Variants in SNRNP200 observed in about 807,000 individuals in gnomAD.
The protein encoded by SNRNP200 is small nuclear ribonucleoprotein U5 subunit 200, also known as U5 small nuclear ribonucleoprotein 200 kDa helicase.
A neutral mutation model predicts 255.2 loss-of-function variants in SNRNP200; 66 were observed. That is an observed-to-expected ratio of 0.26 (90% confidence interval 0.21 to 0.32). The LOEUF is 0.32. Ranked by LOEUF, SNRNP200 falls within the 10% of genes least tolerant of loss-of-function variation. The pLI, the probability that SNRNP200 is intolerant of heterozygous loss-of-function variation, is 1.00. For missense variants in SNRNP200, 1,585 were observed against 2,749.8 expected, an observed-to-expected ratio of 0.58 and a Z score of 9.47; for synonymous variants, 939 against 1,027.8, an observed-to-expected ratio of 0.91 and a Z score of 1.65.
chr2:96,288,982 T>C (rs992392736), intron 23 of SNRNP200, 55 bp downstream of exon 23: 1 of 1,492,020 alleles, frequency 6.7e-7, no homozygotes. Context: ...TTTTAGAAGA[T>C]TATGAAAACC....
Position 96,286,926 on chromosome 2 carries a change from G to C in SNRNP200, c.3640-49C>G. ...AGGAATGTGAGTCAACGTAGACTGAGTGCCTCCAATCCATCTCCTCGGCCC... is the reference window on the plus strand; with the variant it reads ...AGGAATGTGAGTCAACGTAGACTGACTGCCTCCAATCCATCTCCTCGGCCC... On this transcript the variant is annotated intron_variant, in intron 27 of 44. Transcript: ENST00000323853. The surrounding 1 kb of genome is among the most constrained non-coding windows in gnomAD (Gnocchi z 4.8). 12 of 1,613,852 alleles carry C rather than the reference G, an allele frequency of 7.4e-6. No homozygotes were observed. Among genetic ancestry groups the C allele is most frequent in the Non-Finnish European group, 1.0e-5 (12 of 1,179,746 alleles).
At chr2:96,304,563 T>C in intron 2 of SNRNP200, 142 bp downstream of exon 2, 1 of 1,149,816 alleles carries the variant, frequency 8.7e-7, no homozygotes, top group Non-Finnish European at 1.3e-6. Flanking sequence ...ATCTTTAAAC[T>C]CTCCTGGTCT....
chr2:96,288,429 C>T (rs763977521), intron 24 of SNRNP200, among the ~76,000 whole-genome samples: 3 of 152,168 alleles, frequency 2.0e-5, no homozygotes, highest in African/African-American at 7.2e-5. Context: ...TCTCTGAGGG[C>T]CCGTGGAGCC....
In SNRNP200 at chr2:96,305,461, A is replaced by G. The variant is rs1465840912; in HGVS notation, c.-24T>C. On this transcript the variant is annotated 5_prime_UTR_variant, in exon 1 of 45. Coordinates refer to ENST00000323853, the MANE Select transcript of SNRNP200 (RefSeq NM_014014.5). ...ATGGCCGCGGCTGCTCGGAGGCTTC[A>G]GACCACCACGCCTCCCTACCGCAAG... 6.2e-7 allele frequency: 1 copy of G among 1,613,818 alleles called. No individual in the cohort carries two copies. Among genetic ancestry groups the G allele is most frequent in the South Asian group, 1.1e-5 (1 of 91,082 alleles).
intron 21 of SNRNP200, 100 bp downstream of exon 21, chr2:96,289,699 A>C: frequency 9.7e-7 from 1 of 1,029,838 alleles, no homozygotes; most frequent in East Asian, 2.4e-5. Context: ...ACAGGTGATT[A>C]GATAGGCAGT....
intron 30 of SNRNP200, 179 bp from the exon 31 acceptor site, chr2:96,284,764 T>C (rs913521199): frequency 3.3e-6 from 2 of 609,554 alleles, no homozygotes; most frequent in Non-Finnish European, 5.8e-6. Flanking sequence ...TTTTTTTTCT[T>C]TTGAGATGAA....
chr2:96,292,733 T>G (rs2063891707), intron 16 of SNRNP200, among the ~76,000 whole-genome samples: 1 of 152,218 alleles, frequency 6.6e-6, no homozygotes, highest in South Asian at 2.1e-4. Context: ...TGGTAGTTGT[T>G]GGAGAACTGG....
chr2:96,284,016 GA>G lies in SNRNP200; in HGVS notation c.4393-13del. 2.0e-6 allele frequency: 3 copies of G among 1,519,928 alleles called. No individual in the cohort carries two copies. Among genetic ancestry groups the G allele is most frequent in the Non-Finnish European group, 2.7e-6 (3 of 1,113,878 alleles). 94.2% of individuals were successfully genotyped at this position (1,519,928 alleles called of 1,614,324 possible). A position where few individuals can be genotyped will look rare whatever the true frequency, so the allele number is the denominator to read the frequency against. ...ACTTCTAAGACAGGCTGGAAAGAGG[GA>G]GGGAGGGAGGGTCACTGCAGGCCAA... On this transcript the variant is annotated splice_polypyrimidine_tract_variant and intron_variant, in intron 31 of 44. Coordinates refer to ENST00000323853, the MANE Select transcript of SNRNP200 (RefSeq NM_014014.5).
rs747242153 is a variant in SNRNP200, at chr2:96,286,285, T to A, written c.4003+26A>T. On this transcript the variant is annotated intron_variant, in intron 29 of 44. Transcript: ENST00000323853. The surrounding 1 kb of genome is among the most constrained non-coding windows in gnomAD (Gnocchi z 4.8). ...CTGTCTCCCGGTGACTTCAAAAGCCTCCAGAGGAGGGATGGAAACACTTAC... is the reference window on the plus strand; with the variant it reads ...CTGTCTCCCGGTGACTTCAAAAGCCACCAGAGGAGGGATGGAAACACTTAC... The A allele has an allele frequency of 6.2e-7, 1 of 1,612,492 alleles. No homozygotes were observed. The highest frequency in any genetic ancestry group is 1.1e-5 in the South Asian group (1 of 90,876).
intron 35 of SNRNP200, chr2:96,281,361 G>A (rs563905103): frequency 1.1e-4 from 21 of 188,906 alleles, no homozygotes; most frequent in Admixed American, 8.7e-4. Flanking sequence ...AGAGACGGGG[G>A]TTTCACTATG....
rs761976191 is a variant in SNRNP200 at position 96,304,763 on chromosome 2, G to A, written c.151C>T (p.Arg51Cys). 1.2e-5 allele frequency: 19 copies of A among 1,613,954 alleles called. No homozygotes were observed. The highest frequency in any genetic ancestry group is 2.2e-5 in the East Asian group (1 of 44,892). Residue 51 changes from arginine (R) to cysteine (C), a missense_variant, in exon 2 of 45, where the codon CGT becomes TGT. Around this residue, in one of 9 missense-constraint regions of SNRNP200, gnomAD observed 383 missense variants for 645.3 expected, o/e 0.59. Transcript: ENST00000323853. ...LSLVGKLEGT[R>C]MGDKAQRTKP... ...GTCCGTTGAGCCTTGTCTCCCATACGGGTGCCCTCCAGCTTCCCAACAAGG... is the reference window on the plus strand; with the variant it reads ...GTCCGTTGAGCCTTGTCTCCCATACAGGTGCCCTCCAGCTTCCCAACAAGG...
In SNRNP200 at chr2:96,298,440, C is replaced by G. The variant is rs780829557; in HGVS notation, c.983-20G>C. 6.2e-7 allele frequency: 1 copy of G among 1,613,902 alleles called. No individual in the cohort carries two copies. Among genetic ancestry groups the G allele is most frequent in the Admixed American group, 1.7e-5 (1 of 59,992 alleles). On this transcript the variant is annotated intron_variant, in intron 8 of 44. Coordinates refer to ENST00000323853, the MANE Select transcript of SNRNP200 (RefSeq NM_014014.5). ...ATAAAACTACCCACAACAAAAGGAACAAAGGAAGTGAGGAGGAGGAAATAA... is the reference window on the plus strand; with the variant it reads ...ATAAAACTACCCACAACAAAAGGAAGAAAGGAAGTGAGGAGGAGGAAATAA...
chr2:96,284,219 C>G, intron 31 of SNRNP200, 139 bp downstream of exon 31: 1 of 895,740 alleles, frequency 1.1e-6, no homozygotes, highest in Non-Finnish European at 1.8e-6. Flanking sequence ...TTAACATTGT[C>G]CCTTTGGAAT....
intron 31 of SNRNP200, 141 bp from the exon 32 acceptor site, chr2:96,284,145 A>G: frequency 2.2e-6 from 2 of 923,778 alleles, no homozygotes; most frequent in Non-Finnish European, 3.4e-6. Flanking sequence ...GTTTGGTTCT[A>G]CCTCCTCCAC....
At position 96,279,578 on chromosome 2, in the gene SNRNP200, A is replaced by G. The variant is rs199993487; in HGVS notation, c.5025-19T>C. The G allele has an allele frequency of 2.2e-4, 341 of 1,531,952 alleles. No homozygotes were observed. In the Admixed American group the frequency reaches 5.7e-3, roughly 25 times the overall value. 94.9% of individuals were successfully genotyped at this position (1,531,952 alleles called of 1,614,324 possible). On this transcript the variant is annotated intron_variant, in intron 35 of 44. Transcript: ENST00000323853. ...CACATAGCTGGTGACAGAAGCAGGG[A>G]AAGAAGGAAAAGCCACCTCAACACG...
intron 30 of SNRNP200, chr2:96,284,870 C>T (rs994203776): frequency 9.4e-6 from 5 of 530,246 alleles, no homozygotes; most frequent in Admixed American, 3.1e-5. Context: ...CTGCCTCAGC[C>T]TTCCAAGTAG....
chr2:96,279,435 T>A lies in SNRNP200; in HGVS notation c.5133+16A>T, dbSNP rs1684723328. On this transcript the variant is annotated intron_variant, in intron 36 of 44. Coordinates refer to ENST00000323853, the MANE Select transcript of SNRNP200 (RefSeq NM_014014.5). ...GAGGCTACGGATCCAAGAGGCTCCA[T>A]GAGTCTAGGACTGACCTTCTTGGAG... 6.5e-7 allele frequency: 1 copy of A among 1,530,406 alleles called. No individual in the cohort carries two copies. Among genetic ancestry groups the A allele is most frequent in the Non-Finnish European group, 9.1e-7 (1 of 1,103,986 alleles). 94.8% of individuals were successfully genotyped at this position (1,530,406 alleles called of 1,614,324 possible).
At chr2:96,297,232 T>A (rs1011957826) in intron 11 of SNRNP200, 131 bp downstream of exon 11, 30 of 1,499,854 alleles carry the variant, frequency 2.0e-5, no homozygotes, top group Non-Finnish European at 2.8e-5. Context: ...AAAATCAGAA[T>A]GGGAAAATTC....
intron 30 of SNRNP200, 58 bp downstream of exon 30, chr2:96,285,122 C>G: frequency 6.3e-7 from 1 of 1,587,714 alleles, no homozygotes; most frequent in Middle Eastern, 1.7e-4. Flanking sequence ...AGCCTTCATA[C>G]GGAATCACAG....
Sources: gnomAD v4.1 joint callset for allele counts (sites outside exome capture counted in the v4.1 genomes callset) on GRCh38, gnomAD v4.1.1 for gene constraint, gnomAD v4.1.1 regional missense constraint, Gnocchi (gnomAD v3.1) non-coding constraint, MANE v1.5 for transcripts, NCBI Gene and HGNC (gene_info 2026-07-23, HGNC 2026-07-21) for gene names.